Variants in SLC6A5 observed in about 807,000 individuals in gnomAD.
SLC6A5 encodes the protein sodium- and chloride-dependent glycine transporter 2.
A neutral mutation model predicts 90.5 loss-of-function variants in SLC6A5; 58 were observed. The ratio of observed to expected loss-of-function variants is 0.64; its 90% CI spans 0.52 to 0.80. SLC6A5 has a LOEUF of 0.80. Ranked by LOEUF, SLC6A5 falls within the 30% of genes least tolerant of loss-of-function variation. The pLI, the probability that SLC6A5 is intolerant of heterozygous loss-of-function variation, is 0.00. For synonymous variants in SLC6A5, 427 were observed against 401.4 expected (o/e 1.06, Z -0.76); for missense variants, 1,015 against 1,017.6 (o/e 1.00, Z 0.03).
chr11:20,635,107 G>A (rs747136396), intron 10 of SLC6A5, among the ~76,000 whole-genome samples: 3 of 151,940 alleles, frequency 2.0e-5, no homozygotes, highest in Non-Finnish European at 4.4e-5. Flanking sequence ...AATCAGAACC[G>A]CTAACTTCCA....
intron 1 of SLC6A5, among the ~76,000 whole-genome samples, chr11:20,600,335 G>GAAGAAGAAGAAGAA (rs1852435416): frequency 2.3e-5 from 2 of 87,878 alleles, no homozygotes; most frequent in East Asian, 3.3e-4. Context: ...AAGAAGAAGA[G>GAAGAAGAAGAAGAA]GAAGAAGAAG....
At position 20,601,175 on chromosome 11, in the gene SLC6A5, C is replaced by T. The variant is rs758653744; in HGVS notation, c.50C>T (p.Pro17Leu). The change falls in exon 2 of 16, where the codon CCG (proline) becomes CTG (leucine). Residue 17 changes from proline to leucine, a missense_variant. Around this residue, in one of 3 missense-constraint regions of SLC6A5, gnomAD observed 567 missense variants for 507.3 expected, o/e 1.12. Coordinates refer to ENST00000525748, the MANE Select transcript of SLC6A5 (RefSeq NM_004211.5). ...KEMNKLPANS[P>L]EAAAAQGHPD... ...ATGAATAAACTGCCAGCCAACAGCCCGGAGGCGGCGGCGGCGCAGGGCCAC... is the reference window on the plus strand; with the variant it reads ...ATGAATAAACTGCCAGCCAACAGCCTGGAGGCGGCGGCGGCGCAGGGCCAC... The T allele has an allele frequency of 1.4e-5, 23 of 1,589,104 alleles. No homozygotes were observed. The South Asian group carries it at 2.1e-4, about 15-fold the overall frequency.
At chr11:20,629,989 C>T (rs1194819221) in intron 9 of SLC6A5, among the ~76,000 whole-genome samples, 1 of 152,096 alleles carries the variant, frequency 6.6e-6, no homozygotes, top group Non-Finnish European at 1.5e-5. Flanking sequence ...TCCCAAAGTG[C>T]CGGGATTACA....
At chr11:20,615,152 A>G (rs1178918855) in intron 6 of SLC6A5, among the ~76,000 whole-genome samples, 2 of 152,220 alleles carry the variant, frequency 1.3e-5, no homozygotes, top group Non-Finnish European at 2.9e-5. Context: ...GGCTTCAGGG[A>G]AGAGAGACAA....
chr11:20,608,922 G>GTCTGTC (rs1417860386), intron 5 of SLC6A5, among the ~76,000 whole-genome samples: 5 of 131,750 alleles, frequency 3.8e-5, no homozygotes, highest in African/African-American at 1.1e-4. Context: ...CTGTCTGTCT[G>GTCTGTC]TCTCTCTCTC....
Position 20,630,351 on chromosome 11 carries a change from C to A in SLC6A5, c.1500-340C>A, listed in dbSNP as rs556458012. Among the ~76,000 whole-genome samples, 140 of 152,306 alleles carry A rather than the reference C, an allele frequency of 9.2e-4. 1 individual carries two copies. The highest frequency in any genetic ancestry group is 3.2e-3 in the African/African-American group (134 of 41,560). On this transcript the variant is annotated intron_variant, in intron 9 of 15. Transcript: ENST00000525748. ...TGACTTAATCACTTTTCTAAAGCCT[C>A]CACCTCTTAATACTATCAAATTGTG...
At chr11:20,642,045 G>A (rs1853323810) in intron 13 of SLC6A5, among the ~76,000 whole-genome samples, 3 of 151,940 alleles carry the variant, frequency 2.0e-5, no homozygotes, top group Non-Finnish European at 4.4e-5. Flanking sequence ...GAATGACTTG[G>A]GGATTTACTT....
At chr11:20,608,477 A>G (rs1852625464) in intron 5 of SLC6A5, among the ~76,000 whole-genome samples, 1 of 152,190 alleles carries the variant, frequency 6.6e-6, no homozygotes, top group Non-Finnish European at 1.5e-5. Flanking sequence ...TTCCTTCTCT[A>G]AAAAACAGAA....
rs189074658 is a variant in SLC6A5 at position 20,603,321 on chromosome 11, C to G, written c.541-965C>G. 2.8e-3 allele frequency among the ~76,000 whole-genome samples: 432 copies of G among 152,296 alleles called. 2 individuals carry two copies. The highest frequency in any genetic ancestry group is 0.01 in the African/African-American group (416 of 41,560). ...AGAGTTTATTTGGGGTGGTCTCCCC[C>G]CATTTTTCCTGCTTACTAGTGAGGC... On this transcript the variant is annotated intron_variant, in intron 2 of 15. Transcript: ENST00000525748.
chr11:20,630,555 G>A (rs918850371), intron 9 of SLC6A5, 136 bp from the exon 10 acceptor site: 1 of 1,035,298 alleles, frequency 9.7e-7, no homozygotes, highest in Non-Finnish European at 1.5e-6. Context: ...GGAGCCTGTG[G>A]TTAGGACATG....
At chr11:20,636,259 C>T in intron 10 of SLC6A5, 48 bp from the exon 11 acceptor site, 1 of 1,163,918 alleles carries the variant, frequency 8.6e-7, no homozygotes. Flanking sequence ...CTGGGAAGAG[C>T]AGCCTTGAGT....
chr11:20,648,531 C>G (rs751879025), intron 14 of SLC6A5, among the ~76,000 whole-genome samples: 1 of 152,138 alleles, frequency 6.6e-6, no homozygotes. Flanking sequence ...GGTAGGCTTT[C>G]TATCTCTTGA....
intron 14 of SLC6A5, among the ~76,000 whole-genome samples, chr11:20,648,099 T>A (rs1460804089): frequency 6.6e-6 from 1 of 152,008 alleles, no homozygotes; most frequent in African/African-American, 2.4e-5. Context: ...CCCATCCTCC[T>A]CTGTGGCTTG....
At chr11:20,654,099 A>T (rs17298481) in intron 15 of SLC6A5, among the ~76,000 whole-genome samples, 1 of 152,164 alleles carries the variant, frequency 6.6e-6, no homozygotes, top group Non-Finnish European at 1.5e-5. Context: ...AGACATTCCT[A>T]TTATTTTTAG....
chr11:20,635,759 ATTC>A (rs1395934684), intron 10 of SLC6A5, among the ~76,000 whole-genome samples: 1 of 152,162 alleles, frequency 6.6e-6, no homozygotes, highest in Non-Finnish European at 1.5e-5. Context: ...AGACAGGATA[ATTC>A]TTTGTTGGCA....
chr11:20,617,580 C>G (rs1852805406), intron 6 of SLC6A5, among the ~76,000 whole-genome samples, 172 bp from the exon 7 acceptor site: 1 of 152,190 alleles, frequency 6.6e-6, no homozygotes, highest in Non-Finnish European at 1.5e-5. Context: ...GAGCCCAGAC[C>G]AGCAAATTCC....
chr11:20,647,872 C>T (rs985642845), intron 14 of SLC6A5, among the ~76,000 whole-genome samples: 3 of 152,204 alleles, frequency 2.0e-5, no homozygotes, highest in African/African-American at 7.2e-5. Flanking sequence ...TGCTAATTTT[C>T]ATTGCTTTTG....
intron 9 of SLC6A5, among the ~76,000 whole-genome samples, chr11:20,628,457 T>C (rs1853045139): frequency 6.6e-6 from 1 of 152,182 alleles, no homozygotes; most frequent in South Asian, 2.1e-4. Flanking sequence ...TGACCTAATC[T>C]CCTCTTCTTA....
chr11:20,613,566 C>T (rs1379296245), intron 5 of SLC6A5, among the ~76,000 whole-genome samples: 1 of 151,976 alleles, frequency 6.6e-6, no homozygotes, highest in Non-Finnish European at 1.5e-5. Context: ...CATACTAAGA[C>T]TCACAGGGTT....
Sources: gnomAD v4.1 joint callset for allele counts (sites outside exome capture counted in the v4.1 genomes callset) on GRCh38, gnomAD v4.1.1 for gene constraint, gnomAD v4.1.1 regional missense constraint, MANE v1.5 for transcripts, NCBI Gene and HGNC (gene_info 2026-07-23, HGNC 2026-07-21) for gene names.